The following ZNF469 variants were observed in gnomAD, a reference collection of about 807,000 sequenced individuals.
ZNF469 encodes the protein zinc finger protein 469.
In ZNF469, 1 loss-of-function variant was observed where a neutral mutation model predicts 1.0. The observed-to-expected ratio is 1.00, with a 90% CI of 0.35 to 4.73. ZNF469 has a LOEUF of 4.73. Among genes scored for constraint, ZNF469 ranks in the 30% most tolerant of loss-of-function variants. The pLI, the probability that ZNF469 is intolerant of heterozygous loss-of-function variation, is 0.16. For synonymous variants in ZNF469, 2,703 were observed against 2,363.4 expected (o/e 1.14, Z -4.17); for missense variants, 6,100 against 5,356.3 (o/e 1.14, Z -4.33).
Position 88,433,837 on chromosome 16 carries a change from A to G in ZNF469, c.6367A>G (p.Met2123Val), listed in dbSNP as rs2142309271. ...CCCCTCACCCACTTCAGCCGCCCACATGCCCTGCAGCCTTGGGCCCCTGCC... is the reference window on the plus strand; with the variant it reads ...CCCCTCACCCACTTCAGCCGCCCACGTGCCCTGCAGCCTTGGGCCCCTGCC... ...CAPSPTSAAH[M>V]PCSLGPLPRE... Residue 2123 changes from methionine (M) to valine (V), a missense_variant, in exon 3 of 3, where the codon ATG (methionine) becomes GTG (valine). Coordinates refer to ENST00000565624, the MANE Select transcript of ZNF469 (RefSeq NM_001367624.2). The G allele has an allele frequency of 6.5e-7, 1 of 1,549,802 alleles. No homozygotes were observed. The highest frequency in any genetic ancestry group is 2.4e-5 in the East Asian group (1 of 40,902).
At chr16:88,121,468 T>C in the ZNF469 span, among the ~76,000 whole-genome samples, 1 of 152,176 alleles carries the variant, frequency 6.6e-6, no homozygotes, top group Admixed American at 6.5e-5. Flanking sequence ...ACTTCCAGAA[T>C]GAAACGTTCG....
the ZNF469 span, among the ~76,000 whole-genome samples, chr16:88,247,637 AATGAGTGG>A: frequency 4.0e-5 from 6 of 151,448 alleles, no homozygotes; most frequent in Non-Finnish European, 8.8e-5. Context: ...AGTGAGAGTG[AATGAGTGG>A]ATGAGTGAGT....
the ZNF469 span, among the ~76,000 whole-genome samples, chr16:88,306,282 G>T: frequency 6.6e-6 from 1 of 152,268 alleles, no homozygotes; most frequent in Non-Finnish European, 1.5e-5. Flanking sequence ...TGCATGGCAG[G>T]TGCTGTCCGC....
chr16:88,312,202 G>T, the ZNF469 span, among the ~76,000 whole-genome samples: 2 of 152,124 alleles, frequency 1.3e-5, no homozygotes, highest in African/African-American at 4.8e-5. Context: ...TCTCCCACCT[G>T]GTCCCTCCCA....
chr16:88,126,113 TG>T, the ZNF469 span, among the ~76,000 whole-genome samples: 1 of 137,300 alleles, frequency 7.3e-6, no homozygotes, highest in African/African-American at 2.8e-5. Flanking sequence ...TGCTTGAACC[TG>T]GGAGGCAGAG....
At chr16:88,407,577 T>G (rs1231103582) in intron 1 of ZNF469, among the ~76,000 whole-genome samples, 1 of 152,250 alleles carries the variant, frequency 6.6e-6, no homozygotes, top group Non-Finnish European at 1.5e-5. Flanking sequence ...GCTGTGTCCT[T>G]GTCCCCGTTT....
At chr16:88,422,987 G>A (rs1905542547) in intron 1 of ZNF469, among the ~76,000 whole-genome samples, 1 of 150,718 alleles carries the variant, frequency 6.6e-6, no homozygotes, top group Admixed American at 6.6e-5. Flanking sequence ...ATGGATGGAT[G>A]GATGGATAGA....
chr16:88,119,959 G>A, the ZNF469 span, among the ~76,000 whole-genome samples: 1 of 152,294 alleles, frequency 6.6e-6, no homozygotes, highest in Non-Finnish European at 1.5e-5. Context: ...TCCTGGTGTT[G>A]GGTCTCTCTG....
At chr16:88,402,223 G>A (rs1404683818) in intron 1 of ZNF469, among the ~76,000 whole-genome samples, 6 of 151,482 alleles carry the variant, frequency 4.0e-5, no homozygotes, top group Non-Finnish European at 7.4e-5. Flanking sequence ...GGTGGCAGAT[G>A]CTGGATGGTG....
the ZNF469 span, among the ~76,000 whole-genome samples, chr16:88,136,896 G>GGATGCAAA: frequency 6.6e-6 from 1 of 152,238 alleles, no homozygotes; most frequent in East Asian, 1.9e-4. Context: ...TGGGAGGGGA[G>GGATGCAAA]GATGCAAAGA....
the ZNF469 span, among the ~76,000 whole-genome samples, chr16:88,231,753 G>T: frequency 6.6e-6 from 1 of 152,032 alleles, no homozygotes; most frequent in Non-Finnish European, 1.5e-5. This position sits in a 1 kb window ranked among gnomAD's most constrained non-coding sequence, Gnocchi z 4.5. Flanking sequence ...CTGAGCCACC[G>T]GGACAACCCC....
At chr16:88,268,929 A>C in the ZNF469 span, among the ~76,000 whole-genome samples, 2 of 152,194 alleles carry the variant, frequency 1.3e-5, no homozygotes, top group African/African-American at 4.8e-5. Flanking sequence ...GGACACATAG[A>C]GCCCTGGGCC....
At chr16:88,298,707 C>A in the ZNF469 span, among the ~76,000 whole-genome samples, 2 of 152,154 alleles carry the variant, frequency 1.3e-5, no homozygotes, top group African/African-American at 4.8e-5. Context: ...CTCCCACCTT[C>A]CTCTCCCCAC....
chr16:88,212,714 A>G, the ZNF469 span, among the ~76,000 whole-genome samples: 2 of 152,126 alleles, frequency 1.3e-5, no homozygotes, highest in African/African-American at 2.4e-5. Flanking sequence ...CCAAGTAGCT[A>G]AGACTAAAGG....
the ZNF469 span, among the ~76,000 whole-genome samples, chr16:88,136,767 T>A: frequency 6.6e-5 from 10 of 152,210 alleles, no homozygotes; most frequent in African/African-American, 2.4e-4. Context: ...TGGAGAAGAT[T>A]AGACGATTCT....
the ZNF469 span, among the ~76,000 whole-genome samples, chr16:88,198,832 A>G: frequency 6.6e-6 from 1 of 152,206 alleles, no homozygotes; most frequent in Non-Finnish European, 1.5e-5. Flanking sequence ...TCACGCCGGG[A>G]CGTTGCAAGG....
chr16:88,410,415 C>T (rs1039312783), intron 1 of ZNF469, among the ~76,000 whole-genome samples: 4 of 145,362 alleles, frequency 2.8e-5, no homozygotes, highest in Non-Finnish European at 3.0e-5. Flanking sequence ...GTGCAGGTCA[C>T]GTGGTCATGG....
the ZNF469 span, among the ~76,000 whole-genome samples, chr16:88,296,852 C>A: frequency 1.3e-5 from 2 of 152,212 alleles, no homozygotes; most frequent in East Asian, 1.9e-4. Flanking sequence ...GCACCCACAC[C>A]CCACCGAGGG....
the ZNF469 span, among the ~76,000 whole-genome samples, chr16:88,241,232 A>G: frequency 1.3e-5 from 2 of 151,834 alleles, no homozygotes; most frequent in African/African-American, 4.8e-5. The surrounding 1 kb of genome is among the most constrained non-coding windows in gnomAD (Gnocchi z 4.8). Flanking sequence ...CATGGCACGC[A>G]CCTGTAATCC....
Sources: gnomAD v4.1 joint callset for allele counts (sites outside exome capture counted in the v4.1 genomes callset) on GRCh38, gnomAD v4.1.1 for gene constraint, Gnocchi (gnomAD v3.1) non-coding constraint, MANE v1.5 for transcripts, NCBI Gene and HGNC (gene_info 2026-07-23, HGNC 2026-07-21) for gene names.